Variants in TGFBI observed in about 807,000 individuals in gnomAD.
The protein encoded by TGFBI is transforming growth factor beta induced.
TGFBI carries 50 observed loss-of-function variants against 73.7 expected under a neutral mutation model. The observed-to-expected ratio is 0.68, with a 90% CI of 0.54 to 0.86. The LOEUF (loss-of-function observed/expected upper bound fraction) is 0.86, where lower values mean the gene tolerates loss of function less well. TGFBI is among the 40% of genes least tolerant of loss of function. The pLI is 0.00. For synonymous variants in TGFBI, 362 were observed against 360.5 expected, an observed-to-expected ratio of 1.00 and a Z score of -0.05; for missense variants, 839 against 877.0, an observed-to-expected ratio of 0.96 and a Z score of 0.55.
chr5:136,038,362 T>G lies in TGFBI; in HGVS notation c.233+4501T>G, dbSNP rs1041021497. On this transcript the variant is annotated intron_variant, in intron 2 of 16. Transcript: ENST00000442011. ...GCAGGTGTGATTAAATTAAGGATCA[T>G]AAGAGGGAGAGATTATCCAGGATTA... Among the ~76,000 whole-genome samples the G allele has an allele frequency of 2.0e-5, 3 of 152,186 alleles. No individual in the cohort carries two copies. The East Asian group carries it at 5.8e-4, about 29-fold the overall frequency.
intron 3 of TGFBI, 132 bp from the exon 4 acceptor site, chr5:136,046,203 T>C (rs934059948): frequency 1.9e-5 from 20 of 1,076,268 alleles, no homozygotes; most frequent in Non-Finnish European, 2.1e-5. Context: ...AAACAGCCTG[T>C]CTTTGGGCTT....
At chr5:136,046,554 G>A in intron 4 of TGFBI, 59 bp downstream of exon 4, 2 of 1,512,858 alleles carry the variant, frequency 1.3e-6, no homozygotes, top group Non-Finnish European at 1.8e-6. Flanking sequence ...ACTTCCCCGA[G>A]GGGTGGGCAT....
In TGFBI at chr5:136,051,764, A is replaced by G. The variant is rs558624163; in HGVS notation, c.914-1143A>G. On this transcript the variant is annotated intron_variant, in intron 7 of 16. Transcript: ENST00000442011. ...AGTGGCCCTGGCAGGTTCCTCTACCACATCGTGGACTTCACCTTCCTTCTC... is the reference window on the plus strand; with the variant it reads ...AGTGGCCCTGGCAGGTTCCTCTACCGCATCGTGGACTTCACCTTCCTTCTC... Among the ~76,000 whole-genome samples, 4 of 152,232 alleles carry G rather than the reference A, an allele frequency of 2.6e-5. No individual in the cohort carries two copies. In the South Asian group the frequency reaches 6.2e-4, roughly 24 times the overall value.
chr5:136,056,462 TGCTGGGTGGAG>T, intron 11 of TGFBI, 192 bp from the exon 12 acceptor site: 1 of 603,230 alleles, frequency 1.7e-6, no homozygotes, highest in African/African-American at 1.9e-5. Flanking sequence ...TTAGCATTTT[TGCTGGGTGGAG>T]AGAGCTGGAG....
chr5:136,034,125 T>C (rs1751175503), intron 2 of TGFBI, among the ~76,000 whole-genome samples: 1 of 151,896 alleles, frequency 6.6e-6, no homozygotes, highest in Non-Finnish European at 1.5e-5. Context: ...ACACTGCGTG[T>C]GTGTGTGTGT....
intron 12 of TGFBI, 200 bp from the exon 13 acceptor site, chr5:136,058,890 G>C (rs1044072698): frequency 4.5e-5 from 27 of 594,794 alleles, no homozygotes; most frequent in African/African-American, 4.5e-4. Context: ...ATGAACATGT[G>C]CTTTGTGTCC....
At position 136,047,023 on chromosome 5, in the gene TGFBI, AT is replaced by A. The variant is rs1445084688; in HGVS notation, c.624+9del. 2 of 1,610,134 alleles carry A rather than the reference AT, an allele frequency of 1.2e-6. No homozygotes were observed. Among genetic ancestry groups the A allele is most frequent in the Admixed American group, 3.3e-5 (2 of 59,950 alleles). ...CACCACTATCCTAATGGGGTAGGGG[AT>A]CCCCAGCCATACTGCATGGCCCTTG... On this transcript the variant is annotated intron_variant, in intron 5 of 16. Coordinates refer to ENST00000442011, the MANE Select transcript of TGFBI (RefSeq NM_000358.3).
chr5:136,031,512 G>T (rs1325405493), intron 1 of TGFBI, among the ~76,000 whole-genome samples: 1 of 152,242 alleles, frequency 6.6e-6, no homozygotes, highest in Admixed American at 6.5e-5. Flanking sequence ...CATTTTACAG[G>T]AGGTGAAACT....
chr5:136,057,566 T>G (rs1292912631), intron 12 of TGFBI, among the ~76,000 whole-genome samples: 5 of 151,660 alleles, frequency 3.3e-5, no homozygotes, highest in African/African-American at 1.2e-4. Context: ...GCCATGACGA[T>G]GGGGGCGGGG....
At chr5:136,039,292 G>C (rs1414378882) in intron 2 of TGFBI, among the ~76,000 whole-genome samples, 2 of 152,180 alleles carry the variant, frequency 1.3e-5, no homozygotes, top group African/African-American at 4.8e-5. Context: ...AGGCTCAAAA[G>C]ACTTTTATGC....
intron 3 of TGFBI, among the ~76,000 whole-genome samples, chr5:136,044,529 G>A (rs1465428496): frequency 6.6e-6 from 1 of 152,224 alleles, no homozygotes; most frequent in Admixed American, 6.5e-5. Flanking sequence ...GTGGGAGGAG[G>A]GGGTCACTGG....
chr5:136,051,690 G>A (rs543697888), intron 7 of TGFBI, among the ~76,000 whole-genome samples: 3 of 152,302 alleles, frequency 2.0e-5, no homozygotes, highest in South Asian at 2.1e-4. Flanking sequence ...GGCTGGTGGT[G>A]TGTCCAGTTT....
intron 2 of TGFBI, among the ~76,000 whole-genome samples, chr5:136,035,930 G>A (rs1336803413): frequency 2.0e-5 from 3 of 152,144 alleles, no homozygotes; most frequent in East Asian, 1.9e-4. Context: ...CGGGGGTGCC[G>A]CTGGGCTGAA....
In TGFBI at chr5:136,053,128, G is replaced by A; in HGVS notation, c.1126+9G>A. On this transcript the variant is annotated intron_variant, in intron 8 of 16. Transcript: ENST00000442011. Reference sequence around the variant, plus strand: ...ACTCATCCCAGACTCAGGTAGGCCAGGCCTCCGGGGGCCTTGGCCCTGCCT... The same window carrying A: ...ACTCATCCCAGACTCAGGTAGGCCAAGCCTCCGGGGGCCTTGGCCCTGCCT... The A allele has an allele frequency of 1.2e-6, 2 of 1,612,432 alleles. No homozygotes were observed. The highest frequency in any genetic ancestry group is 1.7e-6 in the Non-Finnish European group (2 of 1,178,910).
At chr5:136,058,607 GC>G (rs1751692823) in intron 12 of TGFBI, among the ~76,000 whole-genome samples, 1 of 152,172 alleles carries the variant, frequency 6.6e-6, no homozygotes, top group South Asian at 2.1e-4. Flanking sequence ...TCAGGAAATA[GC>G]CATCTCAAAC....
At chr5:136,033,923 G>A (rs1341812429) in intron 2 of TGFBI, 62 bp downstream of exon 2, 7 of 1,357,292 alleles carry the variant, frequency 5.2e-6, no homozygotes, top group African/African-American at 1.4e-5. Flanking sequence ...GTTCCCCAGG[G>A]CCTGGGCCAG....
intron 2 of TGFBI, among the ~76,000 whole-genome samples, chr5:136,040,791 G>A (rs1344029294): frequency 1.3e-5 from 2 of 152,208 alleles, no homozygotes; most frequent in Non-Finnish European, 2.9e-5. Flanking sequence ...GGGGGGCTAT[G>A]GCTGGGAAGC....
intron 2 of TGFBI, 57 bp downstream of exon 2, chr5:136,033,918 C>A: frequency 6.9e-7 from 1 of 1,448,018 alleles, no homozygotes; most frequent in South Asian, 1.2e-5. Flanking sequence ...CTGCAGTTCC[C>A]CAGGGCCTGG....
At chr5:136,036,494 G>C (rs1364360406) in intron 2 of TGFBI, among the ~76,000 whole-genome samples, 1 of 152,232 alleles carries the variant, frequency 6.6e-6, no homozygotes, top group Non-Finnish European at 1.5e-5. Context: ...AGAACTCAGA[G>C]AGAGGAAGAG....
Sources: allele counts gnomAD v4.1 joint callset (sites outside exome capture counted in the v4.1 genomes callset), GRCh38; gene constraint gnomAD v4.1.1; transcripts MANE v1.5; gene names NCBI Gene and HGNC (gene_info 2026-07-23, HGNC 2026-07-21).